Variants in KLB observed in about 807,000 individuals in gnomAD.
KLB encodes klotho beta, also known as beta-klotho.
KLB carries 44 observed loss-of-function variants against 88.4 expected under a neutral mutation model. The ratio of observed to expected loss-of-function variants is 0.50; its 90% CI spans 0.39 to 0.64. KLB has a LOEUF of 0.64. KLB is among the 30% of genes least tolerant of loss of function. KLB has a pLI of 0.00. For synonymous variants in KLB, 548 were observed against 513.4 expected, an observed-to-expected ratio of 1.07 and a Z score of -0.91; for missense variants, 1,137 against 1,304.8, an observed-to-expected ratio of 0.87 and a Z score of 1.98.
chr4:39,448,824 T>G lies in KLB; in HGVS notation c.*138T>G, dbSNP rs1743823273. On this transcript the variant is annotated 3_prime_UTR_variant, in exon 5 of 5. Transcript: ENST00000257408. The stretch of plus-strand genomic sequence containing the variant: ...CCAAGGTGATGACAATTGTCTCTGC[T>G]GTGTGGTTCAAAGAACATTCCCTTA... 1.2e-6 allele frequency: 1 copy of G among 827,170 alleles called. No individual in the cohort carries two copies. The highest frequency in any genetic ancestry group is 2.6e-5 in the East Asian group (1 of 39,030). The allele number at this position is 827,170 out of a possible 1,614,324, so 51.2% of individuals were successfully genotyped here.
intron 3 of KLB, among the ~76,000 whole-genome samples, chr4:39,445,504 CTTTTT>C (rs10634518): frequency 1.5e-5 from 2 of 131,724 alleles, no homozygotes; most frequent in African/African-American, 2.8e-5. Flanking sequence ...CTTTTCTTTT[CTTTTT>C]TTTTTTTTTT....
At chr4:39,413,449 C>T (rs1367241208) in intron 1 of KLB, among the ~76,000 whole-genome samples, 1 of 152,072 alleles carries the variant, frequency 6.6e-6, no homozygotes, top group Non-Finnish European at 1.5e-5. Flanking sequence ...GTTGCTCCTG[C>T]CTGTAATCCT....
chr4:39,449,617 C>G lies in KLB; in HGVS notation c.*931C>G, dbSNP rs1743844471. The G allele has an allele frequency of 1.3e-5, 2 of 152,098 alleles. No individual in the cohort carries two copies. Among genetic ancestry groups the G allele is most frequent in the Admixed American group, 1.3e-4 (2 of 15,266 alleles). 9.4% of individuals were successfully genotyped at this position (152,098 alleles called of 1,614,324 possible). ...TCTAATTTGTGATCTTTTACTAGATCTGATTTTTTAAAATAATGTAATTTC... is the reference window on the plus strand; with the variant it reads ...TCTAATTTGTGATCTTTTACTAGATGTGATTTTTTAAAATAATGTAATTTC... On this transcript the variant is annotated 3_prime_UTR_variant, in exon 5 of 5. Coordinates refer to ENST00000257408, the MANE Select transcript of KLB (RefSeq NM_175737.4).
intron 4 of KLB, 106 bp downstream of exon 4, chr4:39,447,581 G>A (rs1743786458): frequency 1.1e-6 from 1 of 938,566 alleles, no homozygotes; most frequent in Admixed American, 3.1e-5. Context: ...TCCAATTTGT[G>A]GCACCCAAGT....
intron 3 of KLB, among the ~76,000 whole-genome samples, chr4:39,438,795 A>G (rs1743534571): frequency 6.6e-6 from 1 of 152,174 alleles, no homozygotes; most frequent in Admixed American, 6.6e-5. Flanking sequence ...TATTTTAACT[A>G]TGCTACCTGG....
chr4:39,430,590 G>A (rs1212550792), intron 1 of KLB, among the ~76,000 whole-genome samples: 7 of 128,530 alleles, frequency 5.4e-5, no homozygotes, highest in East Asian at 2.3e-4. Context: ...TCTCTGAGAG[G>A]AAATTTTTTT....
At chr4:39,428,695 T>A (rs1743274124) in intron 1 of KLB, among the ~76,000 whole-genome samples, 1 of 152,114 alleles carries the variant, frequency 6.6e-6, no homozygotes, top group South Asian at 2.1e-4. Flanking sequence ...TTTCTTAAAT[T>A]TTTATTTATT....
chr4:39,438,218 G>A (rs199514454), intron 3 of KLB, among the ~76,000 whole-genome samples: 1 of 152,324 alleles, frequency 6.6e-6, no homozygotes, highest in East Asian at 1.9e-4. Context: ...AGATGGAGAG[G>A]TGAAGAGGCT....
intron 3 of KLB, among the ~76,000 whole-genome samples, chr4:39,444,427 C>T (rs755290449): frequency 3.9e-5 from 6 of 152,162 alleles, no homozygotes; most frequent in Admixed American, 1.3e-4. Context: ...TATTTTCTGG[C>T]ACAAGATGCC....
chr4:39,422,499 C>T (rs1349142592), intron 1 of KLB, among the ~76,000 whole-genome samples: 1 of 152,114 alleles, frequency 6.6e-6, no homozygotes, highest in African/African-American at 2.4e-5. Flanking sequence ...ATCACAGTAC[C>T]TACCTCGCAG....
chr4:39,437,131 G>A (rs556477698), intron 2 of KLB, among the ~76,000 whole-genome samples: 1 of 152,236 alleles, frequency 6.6e-6, no homozygotes, highest in Non-Finnish European at 1.5e-5. Context: ...TGAGGAAACC[G>A]AGGCCAAGAA....
chr4:39,415,998 C>T (rs560219779), intron 1 of KLB, among the ~76,000 whole-genome samples: 1 of 152,132 alleles, frequency 6.6e-6, no homozygotes, highest in South Asian at 2.1e-4. Context: ...ACATGCTGGA[C>T]ACGTGTTAGG....
In KLB at chr4:39,426,251, C is replaced by CAAAA. The variant is rs36101900; in HGVS notation, c.826-7948_826-7945dup. Among the ~76,000 whole-genome samples, 786 of 129,674 alleles carry CAAAA rather than the reference C, an allele frequency of 6.1e-3. 25 individuals are homozygous for CAAAA. Among genetic ancestry groups the CAAAA allele is most frequent in the Non-Finnish European group, 7.3e-3 (456 of 62,848 alleles). 85.1% of individuals were successfully genotyped at this position (129,674 alleles called of 152,430 possible). On this transcript the variant is annotated intron_variant, in intron 1 of 4. Coordinates refer to ENST00000257408, the MANE Select transcript of KLB (RefSeq NM_175737.4). ...TAGGCGACAGAGCGAGACTCCATCT[C>CAAAA]AAAAAAAAAAAAAATTAGCCAGGTG... is the stretch of plus-strand genomic sequence containing the variant.
Position 39,446,412 on chromosome 4 carries a change from C to G in KLB, c.1686C>G (p.His562Gln). ...ACGCCACTGGCAACAGACTGTTGCACCGAGTGGAAGGGGTGAGGCTGAAAA... is the reference window on the plus strand; with the variant it reads ...ACGCCACTGGCAACAGACTGTTGCAGCGAGTGGAAGGGGTGAGGCTGAAAA... The part of the protein sequence containing the change: ...VWNATGNRLL[H>Q]RVEGVRLKTR... Residue 562 changes from histidine to glutamine, a missense_variant, in exon 4 of 5, where the codon CAC becomes CAG. His to Gln is a conservative substitution (Grantham distance 24, BLOSUM62 0). Transcript: ENST00000257408. This position sits in a 1 kb window ranked among gnomAD's most constrained non-coding sequence, Gnocchi z 6.4. 6.2e-7 allele frequency: 1 copy of G among 1,614,096 alleles called. No homozygotes were observed. Among genetic ancestry groups the G allele is most frequent in the Non-Finnish European group, 8.5e-7 (1 of 1,180,002 alleles).
At chr4:39,411,222 G>A (rs962339303) in intron 1 of KLB, among the ~76,000 whole-genome samples, 1 of 151,134 alleles carries the variant, frequency 6.6e-6, no homozygotes, top group Non-Finnish European at 1.5e-5. Context: ...GTAATTTTTT[G>A]TACTTTTAGT....
In KLB at chr4:39,434,652, G is replaced by A; in HGVS notation, c.1268G>A (p.Ser423Asn). Residue 423 changes from serine to asparagine, a missense_variant, in exon 2 of 5, where the codon AGT (serine) becomes AAT (asparagine). Ser to Asn is a conservative substitution (Grantham distance 46). Coordinates refer to ENST00000257408, the MANE Select transcript of KLB (RefSeq NM_175737.4). ...GCTGAGAATGGCTGGTTCACAGACA[G>A]TCGTGTGAAAACAGAAGACACCACG... ...LIAENGWFTD[S>N]RVKTEDTTAI... 1 of 1,613,776 alleles carries A rather than the reference G, an allele frequency of 6.2e-7. No individual in the cohort carries two copies. The highest frequency in any genetic ancestry group is 8.5e-7 in the Non-Finnish European group (1 of 1,179,646).
At chr4:39,420,277 G>T (rs1178857998) in intron 1 of KLB, among the ~76,000 whole-genome samples, 1 of 152,040 alleles carries the variant, frequency 6.6e-6, no homozygotes, top group African/African-American at 2.4e-5. Context: ...AAGGGCCAGG[G>T]TCTACTGTTA....
chr4:39,447,828 G>A (rs183824707), intron 4 of KLB, among the ~76,000 whole-genome samples: 3 of 152,134 alleles, frequency 2.0e-5, no homozygotes, highest in Non-Finnish European at 4.4e-5. Context: ...AAATTTATGG[G>A]ATGCATGAAA....
chr4:39,434,121 A>T, intron 1 of KLB, 89 bp from the exon 2 acceptor site: 1 of 1,236,106 alleles, frequency 8.1e-7, no homozygotes, highest in Non-Finnish European at 1.1e-6. Context: ...ACGCTGCATT[A>T]ATTTTATCCA....
Sources: gnomAD v4.1 joint callset for allele counts (sites outside exome capture counted in the v4.1 genomes callset) on GRCh38, gnomAD v4.1.1 for gene constraint, Gnocchi (gnomAD v3.1) non-coding constraint, MANE v1.5 for transcripts, NCBI Gene and HGNC (gene_info 2026-07-23, HGNC 2026-07-21) for gene names.